The following CDKAL1 variants were observed in gnomAD, a reference collection of about 807,000 sequenced individuals.
CDKAL1 encodes the protein threonylcarbamoyladenosine tRNA methylthiotransferase.
In CDKAL1, 32 loss-of-function variants were observed where a neutral mutation model predicts 68.2. The ratio of observed to expected loss-of-function variants is 0.47; its 90% confidence interval spans 0.35 to 0.63. CDKAL1 has a LOEUF of 0.63. Ranked by LOEUF, CDKAL1 falls within the 30% of genes least tolerant of loss-of-function variation. CDKAL1 has a pLI of 0.00. For synonymous variants in CDKAL1, 234 were observed against 244.3 expected (o/e 0.96, Z 0.39); for missense variants, 606 against 696.7 (o/e 0.87, Z 1.47).
chr6:21,005,124 TGA>T (rs1305598289), intron 11 of CDKAL1, among the ~76,000 whole-genome samples: 1 of 152,216 alleles, frequency 6.6e-6, no homozygotes, highest in African/African-American at 2.4e-5. Flanking sequence ...CATGTGTTTT[TGA>T]GAGAGTTACT....
At chr6:20,830,444 G>C (rs755818008) in intron 8 of CDKAL1, among the ~76,000 whole-genome samples, 1 of 150,980 alleles carries the variant, frequency 6.6e-6, no homozygotes, top group Non-Finnish European at 1.5e-5. Flanking sequence ...CTCAGGTAAA[G>C]AATTTGTATG....
At chr6:21,072,598 C>A (rs1443879951) in intron 12 of CDKAL1, among the ~76,000 whole-genome samples, 1 of 113,538 alleles carries the variant, frequency 8.8e-6, no homozygotes. Context: ...TTTGTCTTGT[C>A]TTTTATCTTC....
At chr6:20,579,758 G>A (rs542198663) in intron 4 of CDKAL1, among the ~76,000 whole-genome samples, 191 of 152,234 alleles carry the variant, frequency 1.3e-3, no homozygotes, top group Non-Finnish European at 2.4e-3. Context: ...CTCCTCATTC[G>A]TCCTTGATCC....
At chr6:20,874,962 A>G (rs1464876521) in intron 9 of CDKAL1, among the ~76,000 whole-genome samples, 2 of 152,080 alleles carry the variant, frequency 1.3e-5, no homozygotes, top group African/African-American at 4.8e-5. Flanking sequence ...AAAACTTGAG[A>G]TATTTTGAAC....
chr6:20,617,800 C>T (rs1381167968), intron 4 of CDKAL1, among the ~76,000 whole-genome samples: 1 of 152,138 alleles, frequency 6.6e-6, no homozygotes, highest in African/African-American at 2.4e-5. Context: ...GCCACATTTT[C>T]TTAATCTGGT....
At chr6:20,599,105 G>T (rs1421824312) in intron 4 of CDKAL1, among the ~76,000 whole-genome samples, 1 of 151,904 alleles carries the variant, frequency 6.6e-6, no homozygotes, top group South Asian at 2.1e-4. Context: ...TTTCCTGTCT[G>T]GATTCCTTAT....
chr6:21,036,621 T>C (rs529390946), intron 11 of CDKAL1, among the ~76,000 whole-genome samples: 12 of 152,338 alleles, frequency 7.9e-5, no homozygotes, highest in Admixed American at 5.9e-4. Context: ...TAAGTCTTTT[T>C]GTGTTTCACA....
chr6:20,965,059 C>T (rs1392054169), intron 10 of CDKAL1, among the ~76,000 whole-genome samples: 1 of 151,992 alleles, frequency 6.6e-6, no homozygotes, highest in East Asian at 1.9e-4. Context: ...ACCTGTAATT[C>T]CAGGTGTTTG....
chr6:20,693,046 C>T (rs528467546), intron 5 of CDKAL1, among the ~76,000 whole-genome samples: 2 of 143,992 alleles, frequency 1.4e-5, no homozygotes, highest in African/African-American at 2.6e-5. Context: ...AGGAGAATGG[C>T]GTGAACCTGG....
At chr6:20,772,381 T>TA (rs1774983398) in intron 7 of CDKAL1, among the ~76,000 whole-genome samples, 1 of 152,208 alleles carries the variant, frequency 6.6e-6, no homozygotes. Context: ...GACTTTTAAC[T>TA]GTTCTGATGT....
chr6:20,660,128 C>A (rs1273565304), intron 5 of CDKAL1, among the ~76,000 whole-genome samples: 1 of 152,144 alleles, frequency 6.6e-6, no homozygotes, highest in African/African-American at 2.4e-5. Context: ...CATCGCCCTT[C>A]TAAGCTTCAC....
At chr6:21,107,276 G>A (rs1047040273) in intron 12 of CDKAL1, among the ~76,000 whole-genome samples, 5 of 150,422 alleles carry the variant, frequency 3.3e-5, no homozygotes, top group African/African-American at 7.5e-5. Flanking sequence ...TAACTAGTTG[G>A]CTGTAATAAG....
At chr6:21,204,901 A>G (rs1346287235) in intron 15 of CDKAL1, among the ~76,000 whole-genome samples, 1 of 152,200 alleles carries the variant, frequency 6.6e-6, no homozygotes, top group Non-Finnish European at 1.5e-5. Flanking sequence ...AGAACTTTCC[A>G]TCTTGCAAAA....
intron 13 of CDKAL1, among the ~76,000 whole-genome samples, chr6:21,168,927 G>A (rs760048884): frequency 1.2e-4 from 18 of 152,076 alleles, no homozygotes; most frequent in Non-Finnish European, 5.9e-5. Context: ...AAATATGTAA[G>A]TGTATTGTTT....
chr6:20,860,362 A>G (rs1361671236), intron 9 of CDKAL1, among the ~76,000 whole-genome samples: 1 of 152,206 alleles, frequency 6.6e-6, no homozygotes, highest in Admixed American at 6.5e-5. Flanking sequence ...TACAGGCATG[A>G]GCCACTTGGC....
At chr6:20,589,173 G>A (rs942467074) in intron 4 of CDKAL1, among the ~76,000 whole-genome samples, 10 of 152,126 alleles carry the variant, frequency 6.6e-5, no homozygotes, top group Admixed American at 6.5e-4. Context: ...GAATGTTGAG[G>A]CTAGATATCA....
intron 4 of CDKAL1, among the ~76,000 whole-genome samples, chr6:20,583,784 G>GC (rs11448102): frequency 0.4 from 58,070 of 146,792 alleles, 11,563 homozygotes; most frequent in Middle Eastern, 0.6. Context: ...TAGTAAAAGC[G>GC]CCCCCCCCCA....
At chr6:20,909,284 T>C (rs1372342193) in intron 9 of CDKAL1, among the ~76,000 whole-genome samples, 1 of 152,026 alleles carries the variant, frequency 6.6e-6, no homozygotes, top group Non-Finnish European at 1.5e-5. Flanking sequence ...CAGAAATCCT[T>C]CTAAACATCT....
intron 5 of CDKAL1, among the ~76,000 whole-genome samples, chr6:20,663,063 T>G (rs1769360619): frequency 6.6e-6 from 1 of 152,112 alleles, no homozygotes; most frequent in South Asian, 2.1e-4. Context: ...CACATGCACT[T>G]TCCCCCACAA....
Sources: gnomAD v4.1 joint callset for allele counts (sites outside exome capture counted in the v4.1 genomes callset) on GRCh38, gnomAD v4.1.1 for gene constraint, MANE v1.5 for transcripts, NCBI Gene and HGNC (gene_info 2026-07-23, HGNC 2026-07-21) for gene names.